KSR1: variants seen among roughly 807,000 people sequenced by gnomAD.
KSR1 encodes the protein kinase suppressor of ras.
Under a neutral mutation model 92.9 loss-of-function variants are expected in KSR1, and 35 were observed. That is an observed-to-expected ratio of 0.38 (90% confidence interval 0.29 to 0.50). The LOEUF is 0.50. Among genes scored for constraint, KSR1 ranks in the 20% least tolerant of loss-of-function variants. The pLI is 0.94. For synonymous variants in KSR1, 467 were observed against 472.6 expected (o/e 0.99, Z 0.15); for missense variants, 972 against 1,158.5 (o/e 0.84, Z 2.34).
chr17:27,565,257 G>C (rs1186605454), intron 2 of KSR1, among the ~76,000 whole-genome samples: 1 of 151,950 alleles, frequency 6.6e-6, no homozygotes, highest in Non-Finnish European at 1.5e-5. Flanking sequence ...CTTTTTCTTT[G>C]TAGTTTATTT....
chr17:27,618,857 CA>C (rs1364434901), intron 19 of KSR1, among the ~76,000 whole-genome samples: 1 of 151,912 alleles, frequency 6.6e-6, no homozygotes, highest in Non-Finnish European at 1.5e-5. Context: ...AAAAACTTTC[CA>C]AAAAAAATTT....
intron 1 of KSR1, among the ~76,000 whole-genome samples, chr17:27,515,496 C>T (rs910980199): frequency 9.2e-5 from 14 of 151,860 alleles, no homozygotes; most frequent in Middle Eastern, 3.2e-3. Flanking sequence ...ATGACTTTTT[C>T]GGTGTGGCTG....
rs148259509 is a variant in KSR1, at chr17:27,577,061, A to C, written c.373-431A>C. On this transcript the variant is annotated intron_variant, in intron 2 of 20. Coordinates refer to ENST00000644974, the MANE Select transcript of KSR1 (RefSeq NM_001394583.1). The surrounding 1 kb of genome is among the most constrained non-coding windows in gnomAD (Gnocchi z 4.5). ...TGAGGTTTTTTTGTTTTTTTTTTTT[A>C]AATCCTTCCTTTCTTGAGCCAGTTT... Among the ~76,000 whole-genome samples, 1 of 128,944 alleles carries C rather than the reference A, an allele frequency of 7.8e-6. No individual in the cohort carries two copies. The highest frequency in any genetic ancestry group is 1.7e-5 in the Non-Finnish European group (1 of 58,674). 84.6% of individuals were successfully genotyped at this position (128,944 alleles called of 152,430 possible).
intron 1 of KSR1, among the ~76,000 whole-genome samples, chr17:27,513,653 C>A (rs144080520): frequency 4.2e-4 from 64 of 152,316 alleles, no homozygotes; most frequent in Middle Eastern, 3.4e-3. Context: ...TATGTCTATA[C>A]CCCTTGGGTT....
At chr17:27,534,250 T>C (rs1024966856) in intron 1 of KSR1, among the ~76,000 whole-genome samples, 1 of 152,196 alleles carries the variant, frequency 6.6e-6, no homozygotes, top group Admixed American at 6.5e-5. Flanking sequence ...TTGTCTACGT[T>C]TGCCCATTTT....
At chr17:27,528,130 A>T (rs1298279926) in intron 1 of KSR1, among the ~76,000 whole-genome samples, 1 of 152,224 alleles carries the variant, frequency 6.6e-6, no homozygotes, top group Admixed American at 6.5e-5. Flanking sequence ...CAGTGGTGCC[A>T]TCACGGCTCA....
chr17:27,600,658 A>C (rs1379222904), intron 10 of KSR1, among the ~76,000 whole-genome samples: 7 of 152,210 alleles, frequency 4.6e-5, no homozygotes, highest in Admixed American at 3.3e-4. Context: ...CTGCCCTGTT[A>C]CCACAGCTAC....
At chr17:27,614,005 T>C (rs555524626) in intron 18 of KSR1, among the ~76,000 whole-genome samples, 100 of 152,378 alleles carry the variant, frequency 6.6e-4, no homozygotes, top group African/African-American at 2.1e-3. Flanking sequence ...TTTCACCATG[T>C]TGGCCAAGCT....
intron 18 of KSR1, among the ~76,000 whole-genome samples, chr17:27,615,943 TCCAGTG>T (rs2074042223): frequency 6.6e-6 from 1 of 152,216 alleles, no homozygotes; most frequent in African/African-American, 2.4e-5. Context: ...CTACTAAGTG[TCCAGTG>T]CCTTGTTGAG....
intron 11 of KSR1, among the ~76,000 whole-genome samples, chr17:27,601,679 A>G (rs2073563394): frequency 6.6e-6 from 1 of 152,228 alleles, no homozygotes; most frequent in East Asian, 1.9e-4. Context: ...TCAAGGTCAC[A>G]CTGCTAGGAG....
At chr17:27,497,217 C>CA (rs2069019260) in intron 1 of KSR1, among the ~76,000 whole-genome samples, 1 of 152,202 alleles carries the variant, frequency 6.6e-6, no homozygotes, top group African/African-American at 2.4e-5. Flanking sequence ...TTCATTCTTC[C>CA]AGATGGTGAG....
intron 2 of KSR1, among the ~76,000 whole-genome samples, chr17:27,565,684 C>A (rs937399003): frequency 2.0e-4 from 31 of 152,306 alleles, no homozygotes; most frequent in Middle Eastern, 3.4e-3. Flanking sequence ...CTCAGCCTCC[C>A]AAAGTGTTGG....
At chr17:27,550,818 C>G (rs2071372163) in intron 2 of KSR1, 110 bp downstream of exon 2, 1 of 644,266 alleles carries the variant, frequency 1.6e-6, no homozygotes, top group African/African-American at 1.8e-5. Flanking sequence ...GGTTGATGCT[C>G]TCTAGTCTTG....
chr17:27,497,708 T>C (rs1046788810), intron 1 of KSR1, among the ~76,000 whole-genome samples: 1 of 152,250 alleles, frequency 6.6e-6, no homozygotes, highest in Non-Finnish European at 1.5e-5. Context: ...AGTGAGTAGA[T>C]TTAAGAGAAA....
At position 27,456,483 on chromosome 17, in the gene KSR1, A is replaced by G. The variant is rs539022566; in HGVS notation, c.-161A>G. On this transcript the variant is annotated 5_prime_UTR_variant, in exon 1 of 21. Coordinates refer to ENST00000644974, the MANE Select transcript of KSR1 (RefSeq NM_001394583.1). ...CTTTCGCTTTGCTGCCGCGGCTGGG[A>G]GGGTGGAAGCGGCAGACTCAGCGGC... is the stretch of plus-strand genomic sequence containing the variant. 2 of 361,744 alleles carry G rather than the reference A, an allele frequency of 5.5e-6. No homozygotes were observed. The highest frequency in any genetic ancestry group is 9.7e-6 in the Non-Finnish European group (2 of 206,648). 22.4% of individuals were successfully genotyped at this position (361,744 alleles called of 1,614,324 possible).
At chr17:27,573,588 T>G (rs753645134) in intron 2 of KSR1, among the ~76,000 whole-genome samples, 13 of 152,280 alleles carry the variant, frequency 8.5e-5, no homozygotes, top group Non-Finnish European at 1.5e-4. Flanking sequence ...GCTGTTTCTG[T>G]ACCTCACTTC....
At chr17:27,606,307 G>A (rs2073750618) in intron 14 of KSR1, among the ~76,000 whole-genome samples, 1 of 152,138 alleles carries the variant, frequency 6.6e-6, no homozygotes, top group African/African-American at 2.4e-5. Flanking sequence ...GTCCATAAAA[G>A]GTACAGAGTG....
At chr17:27,619,788 C>A (rs2151271886) in intron 19 of KSR1, among the ~76,000 whole-genome samples, 1 of 152,196 alleles carries the variant, frequency 6.6e-6, no homozygotes, top group South Asian at 2.1e-4. Flanking sequence ...TCTCGACTCA[C>A]TGCAACCTCC....
At chr17:27,502,716 C>T (rs531281402) in intron 1 of KSR1, among the ~76,000 whole-genome samples, 36 of 152,340 alleles carry the variant, frequency 2.4e-4, no homozygotes, top group African/African-American at 7.0e-4. Context: ...ACCGTAATCA[C>T]GGCACAGATG....
Sources: gnomAD v4.1 joint callset for allele counts (sites outside exome capture counted in the v4.1 genomes callset) on GRCh38, gnomAD v4.1.1 for gene constraint, Gnocchi (gnomAD v3.1) non-coding constraint, MANE v1.5 for transcripts, NCBI Gene and HGNC (gene_info 2026-07-23, HGNC 2026-07-21) for gene names.